The following NTF3 variants were observed in gnomAD, a reference collection of about 807,000 sequenced individuals.
NTF3 encodes the protein neurotrophin-3.
Under a neutral mutation model 26.3 loss-of-function variants are expected in NTF3, and 8 were observed. The ratio of observed to expected loss-of-function variants is 0.30; its 90% CI spans 0.18 to 0.55. The LOEUF (loss-of-function observed/expected upper bound fraction) is 0.55, where lower values mean the gene tolerates loss of function less well. Among genes scored for constraint, NTF3 ranks in the 20% least tolerant of loss-of-function variants. The pLI, the probability that NTF3 is intolerant of heterozygous loss-of-function variation, is 0.93. For synonymous variants in NTF3, 154 were observed against 145.5 expected (o/e 1.06, Z -0.42); for missense variants, 276 against 352.9 (o/e 0.78, Z 1.75).
At chr12:5,432,556 TACACACACAC>T (rs57075143) in intron 1 of NTF3, among the ~76,000 whole-genome samples, 14,591 of 123,844 alleles carry the variant, frequency 0.12, 1,042 homozygotes, top group Admixed American at 0.16. Flanking sequence ...GCCACCCCGC[TACACACACAC>T]ACACACACAC....
chr12:5,494,083 G>C lies in NTF3; in HGVS notation c.19-111G>C, dbSNP rs1180012134. ...GAGTTGCCTTGCTTACCTGGGGGGCGGTACCCTCTCTCGTGCCCTCACAGG... is the reference window on the plus strand; with the variant it reads ...GAGTTGCCTTGCTTACCTGGGGGGCCGTACCCTCTCTCGTGCCCTCACAGG... On this transcript the variant is annotated intron_variant, in intron 1 of 1. Transcript: ENST00000423158. The surrounding 1 kb of genome is among the most constrained non-coding windows in gnomAD (Gnocchi z 8.3). 3 of 966,308 alleles carry C rather than the reference G, an allele frequency of 3.1e-6. No homozygotes were observed. The African/African-American group carries it at 4.9e-5, about 16-fold the overall frequency. 59.9% of individuals were successfully genotyped at this position (966,308 alleles called of 1,614,324 possible). A position where few individuals can be genotyped will look rare whatever the true frequency, so the allele number is the denominator to read the frequency against.
At chr12:5,491,615 G>T (rs1940937302) in intron 1 of NTF3, among the ~76,000 whole-genome samples, 1 of 152,066 alleles carries the variant, frequency 6.6e-6, no homozygotes, top group African/African-American at 2.4e-5. Flanking sequence ...AGTGAATGGG[G>T]TTGGAGCAAG....
At chr12:5,445,713 G>A (rs530906149) in intron 1 of NTF3, among the ~76,000 whole-genome samples, 47 of 152,348 alleles carry the variant, frequency 3.1e-4, no homozygotes, top group African/African-American at 1.0e-3. Context: ...AATGCAATGT[G>A]CAGCCACGTT....
chr12:5,432,246 G>A lies in NTF3; in HGVS notation c.-79G>A, dbSNP rs1940100713. Reference sequence around the variant, plus strand: ...TGCTGGGTAGTGGCTGCGGCGGGGTGGGGGAGACTTTGAATGACCGAGCTC... The same window carrying A: ...TGCTGGGTAGTGGCTGCGGCGGGGTAGGGGAGACTTTGAATGACCGAGCTC... On this transcript the variant is annotated 5_prime_UTR_variant, in exon 1 of 2. Transcript: ENST00000423158. 6.7e-6 allele frequency: 10 copies of A among 1,492,050 alleles called. No individual in the cohort carries two copies. Among genetic ancestry groups the A allele is most frequent in the Non-Finnish European group, 9.3e-6 (10 of 1,072,040 alleles). The allele number at this position is 1,492,050 out of a possible 1,614,324, so 92.4% of individuals were successfully genotyped here.
intron 1 of NTF3, among the ~76,000 whole-genome samples, chr12:5,475,740 T>C (rs1172769899): frequency 6.6e-6 from 1 of 151,558 alleles, no homozygotes; most frequent in African/African-American, 2.4e-5. Flanking sequence ...AAGGCTGAGG[T>C]GGGAGGCATC....
At chr12:5,492,003 C>G (rs1460442354) in intron 1 of NTF3, among the ~76,000 whole-genome samples, 1 of 152,068 alleles carries the variant, frequency 6.6e-6, no homozygotes, top group South Asian at 2.1e-4. Flanking sequence ...CATAAGCCAC[C>G]GTACCCGGCC....
chr12:5,437,078 C>G (rs1265007252), intron 1 of NTF3, among the ~76,000 whole-genome samples: 1 of 152,074 alleles, frequency 6.6e-6, no homozygotes, highest in Non-Finnish European at 1.5e-5. Flanking sequence ...TTCTTTGTGC[C>G]CAGTGCAGCA....
At chr12:5,469,736 T>A (rs1411234302) in intron 1 of NTF3, among the ~76,000 whole-genome samples, 1 of 152,194 alleles carries the variant, frequency 6.6e-6, no homozygotes. Flanking sequence ...TTTTGAAATA[T>A]GTATTTTTTA....
At chr12:5,442,530 C>T (rs1940252461) in intron 1 of NTF3, among the ~76,000 whole-genome samples, 1 of 151,162 alleles carries the variant, frequency 6.6e-6, no homozygotes, top group South Asian at 2.1e-4. Flanking sequence ...TGTGCTTCTA[C>T]TTCCTTTCTA....
chr12:5,441,129 G>A (rs991743750), intron 1 of NTF3, among the ~76,000 whole-genome samples: 4 of 152,150 alleles, frequency 2.6e-5, no homozygotes, highest in East Asian at 1.9e-4. Flanking sequence ...ATCAGACCCC[G>A]CCTCTAACTC....
intron 1 of NTF3, among the ~76,000 whole-genome samples, chr12:5,474,147 G>A (rs1460146376): frequency 6.6e-6 from 1 of 152,210 alleles, no homozygotes; most frequent in Non-Finnish European, 1.5e-5. Flanking sequence ...GGCTTCTTAA[G>A]AGCTTCATCC....
chr12:5,475,399 TCTA>T (rs1940710349), intron 1 of NTF3, among the ~76,000 whole-genome samples: 1 of 152,092 alleles, frequency 6.6e-6, no homozygotes, highest in Non-Finnish European at 1.5e-5. Context: ...CATAGGGAAT[TCTA>T]CTCTCTGGGA....
chr12:5,483,765 G>A (rs1240256874), intron 1 of NTF3, among the ~76,000 whole-genome samples: 1 of 152,198 alleles, frequency 6.6e-6, no homozygotes, highest in Non-Finnish European at 1.5e-5. Flanking sequence ...GAGAACACAG[G>A]TCTTGAGGAT....
At chr12:5,452,276 A>G (rs1287633362) in intron 1 of NTF3, among the ~76,000 whole-genome samples, 1 of 151,472 alleles carries the variant, frequency 6.6e-6, no homozygotes, top group Non-Finnish European at 1.5e-5. Context: ...TTGTATTTTT[A>G]GTAGAGACGG....
In NTF3 at chr12:5,456,081, C is replaced by T. The variant is rs1199340814; in HGVS notation, c.18+23739C>T. Reference sequence around the variant, plus strand: ...CTTCTTCCTCCAAGCATGTCCGGACCTCCAGTCAATGGTGGGCTGTCAGTC... The same window carrying T: ...CTTCTTCCTCCAAGCATGTCCGGACTTCCAGTCAATGGTGGGCTGTCAGTC... On this transcript the variant is annotated intron_variant, in intron 1 of 1. Coordinates refer to ENST00000423158, the MANE Select transcript of NTF3 (RefSeq NM_001102654.2). The surrounding 1 kb of genome is among the most constrained non-coding windows in gnomAD (Gnocchi z 4.4). 6.6e-6 allele frequency among the ~76,000 whole-genome samples: 1 copy of T among 152,188 alleles called. No individual in the cohort carries two copies. Among genetic ancestry groups the T allele is most frequent in the African/African-American group, 2.4e-5 (1 of 41,448 alleles).
In NTF3 at chr12:5,448,386, T is replaced by C. The variant is rs554191292; in HGVS notation, c.18+16044T>C. ...GTGCTGGCTTTCCTGAGTTGGGTGG[T>C]TGCTAATTCTTATTGCCAGTTTGTC... On this transcript the variant is annotated intron_variant, in intron 1 of 1. Transcript: ENST00000423158. Among the ~76,000 whole-genome samples, 172 of 152,262 alleles carry C rather than the reference T, an allele frequency of 1.1e-3. 1 individual carries two copies. The highest frequency in any genetic ancestry group is 4.0e-3 in the African/African-American group (168 of 41,564).
At chr12:5,430,863 T>A (rs1373009321), upstream of NTF3, among the ~76,000 whole-genome samples, 1 of 151,230 alleles carries the variant, frequency 6.6e-6, no homozygotes, top group Non-Finnish European at 1.5e-5. Flanking sequence ...GCGGCTGAAG[T>A]GGCAGGGAGG....
Position 5,456,987 on chromosome 12 carries a change from C to T in NTF3, c.18+24645C>T, listed in dbSNP as rs1314901566. Among the ~76,000 whole-genome samples, 5 of 152,190 alleles carry T rather than the reference C, an allele frequency of 3.3e-5. No homozygotes were observed. Among genetic ancestry groups the T allele is most frequent in the Non-Finnish European group, 4.4e-5 (3 of 68,036 alleles). ...TCTCCACTGCCCGTCCCCAGGTCCA[C>T]AGGCTCACAGAGCAGACACGGTCTG... On this transcript the variant is annotated intron_variant, in intron 1 of 1. Coordinates refer to ENST00000423158, the MANE Select transcript of NTF3 (RefSeq NM_001102654.2). The surrounding 1 kb of genome is among the most constrained non-coding windows in gnomAD (Gnocchi z 4.4).
At chr12:5,492,816 G>A (rs926585600) in intron 1 of NTF3, among the ~76,000 whole-genome samples, 1 of 152,206 alleles carries the variant, frequency 6.6e-6, no homozygotes, top group African/African-American at 2.4e-5. Context: ...CTGGGAGCGA[G>A]TGAGCACTGG....
Sources: allele counts gnomAD v4.1 joint callset (sites outside exome capture counted in the v4.1 genomes callset), GRCh38; gene constraint gnomAD v4.1.1; non-coding constraint Gnocchi (gnomAD v3.1); transcripts MANE v1.5; gene names NCBI Gene and HGNC (gene_info 2026-07-23, HGNC 2026-07-21).